CRYZ: variants seen among roughly 807,000 people sequenced by gnomAD.
CRYZ encodes crystallin zeta.
In CRYZ, 35 loss-of-function variants were observed where a neutral mutation model predicts 34.1. That is an observed-to-expected ratio of 1.03 (90% confidence interval 0.78 to 1.36). The LOEUF is 1.36. Ranked by LOEUF, CRYZ falls within the 40% of genes most tolerant of loss-of-function variation. The probability of loss-of-function intolerance (pLI) is 0.00; values close to 1 mark genes in which losing one functional copy is unlikely to be tolerated. For missense variants in CRYZ, 403 were observed against 391.8 expected (o/e 1.03, Z -0.24); for synonymous variants, 137 against 136.5 (o/e 1.00, Z -0.03).
intron 6 of CRYZ, among the ~76,000 whole-genome samples, chr1:74,709,136 G>A (rs1466313314): frequency 6.6e-6 from 1 of 152,050 alleles, no homozygotes; most frequent in Non-Finnish European, 1.5e-5. Flanking sequence ...AAGTTTTGTG[G>A]GAAAGAGGAG....
At chr1:74,729,436 G>A (rs1378390884) in intron 1 of CRYZ, among the ~76,000 whole-genome samples, 2 of 143,384 alleles carry the variant, frequency 1.4e-5, no homozygotes, top group Non-Finnish European at 3.0e-5. Flanking sequence ...GAGCCTAGGA[G>A]ATCAAGGCCA....
At chr1:74,728,850 C>T (rs565463206) in intron 1 of CRYZ, among the ~76,000 whole-genome samples, 4 of 152,188 alleles carry the variant, frequency 2.6e-5, no homozygotes, top group South Asian at 2.1e-4. Flanking sequence ...GGGTGGTCCT[C>T]GGGGAAAAAC....
chr1:74,731,875 T>C (rs780218083), intron 1 of CRYZ, among the ~76,000 whole-genome samples: 1 of 152,156 alleles, frequency 6.6e-6, no homozygotes, highest in Non-Finnish European at 1.5e-5. Flanking sequence ...CATCCAACGA[T>C]GTGTTAACAG....
intron 3 of CRYZ, among the ~76,000 whole-genome samples, chr1:74,719,841 A>T (rs1027339717): frequency 6.6e-6 from 1 of 152,100 alleles, no homozygotes; most frequent in African/African-American, 2.4e-5. Flanking sequence ...TATTAATGGG[A>T]ACCAATGGGA....
intron 4 of CRYZ, among the ~76,000 whole-genome samples, chr1:74,717,269 A>T (rs1647090528): frequency 6.6e-6 from 1 of 151,944 alleles, no homozygotes; most frequent in African/African-American, 2.4e-5. Flanking sequence ...TACTCTCCTC[A>T]AGTAACCTTC....
At position 74,723,990 on chromosome 1, in the gene CRYZ, G is replaced by A. The variant is rs553346805; in HGVS notation, c.112-720C>T. Among the ~76,000 whole-genome samples the A allele has an allele frequency of 3.9e-5, 6 of 152,118 alleles. No individual in the cohort carries two copies. In the South Asian group the frequency reaches 1.2e-3, roughly 31 times the overall value. On this transcript the variant is annotated intron_variant, in intron 2 of 8. Coordinates refer to ENST00000340866, the MANE Select transcript of CRYZ (RefSeq NM_001889.4). ...ATAAAGGAAGTGGTATTTAGTTAGG[G>A]TTTAAAAGATAAGTAGAAATTCTTT...
chr1:74,722,545 A>G (rs1647179491), intron 3 of CRYZ, among the ~76,000 whole-genome samples: 1 of 151,948 alleles, frequency 6.6e-6, no homozygotes, highest in Non-Finnish European at 1.5e-5. Context: ...TCAAGGAATT[A>G]TGAGGAAAGA....
intron 5 of CRYZ, among the ~76,000 whole-genome samples, chr1:74,712,934 C>G (rs996207962): frequency 1.3e-5 from 2 of 152,170 alleles, no homozygotes; most frequent in African/African-American, 4.8e-5. Context: ...TTTGCTAACA[C>G]TAAAATAGGG....
intron 5 of CRYZ, among the ~76,000 whole-genome samples, chr1:74,711,772 A>G (rs1184939404): frequency 6.6e-6 from 1 of 152,122 alleles, no homozygotes; most frequent in Non-Finnish European, 1.5e-5. Flanking sequence ...AAAATAAAAG[A>G]ATCACTTGTA....
At chr1:74,707,074 A>T (rs1368217289) in intron 7 of CRYZ, 29 bp downstream of exon 7, 1 of 245,374 alleles carries the variant, frequency 4.1e-6, no homozygotes, top group Non-Finnish European at 5.8e-6. Flanking sequence ...TAAAGTGGTA[A>T]AAAAAAAAAA....
intron 1 of CRYZ, among the ~76,000 whole-genome samples, chr1:74,729,001 A>G (rs1647539683): frequency 6.6e-6 from 1 of 152,198 alleles, no homozygotes; most frequent in Non-Finnish European, 1.5e-5. Context: ...CTCTACTTCC[A>G]TTCAGGTCTT....
At position 74,716,041 on chromosome 1, in the gene CRYZ, G is replaced by A. The variant is rs144773821; in HGVS notation, c.429-1411C>T. On this transcript the variant is annotated intron_variant, in intron 4 of 8. Transcript: ENST00000340866. ...TTGTTTTCAAAGACTGACCTCCGAT[G>A]AGCAAGAGTAAATTCAGCCAGCAAA... 7.5e-3 allele frequency among the ~76,000 whole-genome samples: 1,139 copies of A among 151,938 alleles called. 12 individuals carry two copies. Among genetic ancestry groups the A allele is most frequent in the African/African-American group, 0.026 (1,080 of 41,410 alleles).
Position 74,708,294 on chromosome 1 carries a change from T to G in CRYZ, c.631-1090A>C, listed in dbSNP as rs556217507. 4.6e-5 allele frequency: 7 copies of G among 151,702 alleles called. No homozygotes were observed. In the South Asian group the frequency reaches 1.0e-3, roughly 23 times the overall value. 9.4% of individuals were successfully genotyped at this position (151,702 alleles called of 1,614,324 possible). On this transcript the variant is annotated intron_variant, in intron 6 of 8. Transcript: ENST00000340866. ...ATTAAAGGATTTGGATTGTGTGGGG[T>G]TTTTTTTGTAGTTGTTTTGTTTTGT... is the stretch of plus-strand genomic sequence containing the variant.
At chr1:74,722,814 ACTTC>A (rs1305675923) in intron 3 of CRYZ, among the ~76,000 whole-genome samples, 1 of 152,124 alleles carries the variant, frequency 6.6e-6, no homozygotes, top group African/African-American at 2.4e-5. Context: ...AAATAGTCTA[ACTTC>A]CTTGTGTGTT....
chr1:74,710,295 T>C, intron 5 of CRYZ, 48 bp from the exon 6 acceptor site: 1 of 1,567,622 alleles, frequency 6.4e-7, no homozygotes, highest in Non-Finnish European at 8.7e-7. Flanking sequence ...TACACTCCTG[T>C]AAACACTTAA....
At chr1:74,719,188 A>AT in intron 4 of CRYZ, 21 bp downstream of exon 4, 1 of 1,608,348 alleles carries the variant, frequency 6.2e-7, no homozygotes, top group Non-Finnish European at 8.5e-7. Context: ...TGGCCATAAA[A>AT]TTGACAGAAT....
chr1:74,709,823 G>A (rs543083155), intron 6 of CRYZ, among the ~76,000 whole-genome samples: 1 of 152,166 alleles, frequency 6.6e-6, no homozygotes, highest in Admixed American at 6.5e-5. Context: ...TACTTAGAAT[G>A]TTATTTGCAT....
At chr1:74,723,663 G>C (rs1050745633) in intron 2 of CRYZ, among the ~76,000 whole-genome samples, 2 of 152,150 alleles carry the variant, frequency 1.3e-5, no homozygotes, top group Non-Finnish European at 2.9e-5. Flanking sequence ...AGTGACAGTA[G>C]ACACTTGCAG....
chr1:74,719,941 T>C (rs1362316910), intron 3 of CRYZ, among the ~76,000 whole-genome samples: 2 of 152,088 alleles, frequency 1.3e-5, no homozygotes, highest in African/African-American at 2.4e-5. Context: ...GCTCAGTCCA[T>C]GAAGAGCTTG....
Sources: allele counts gnomAD v4.1 joint callset (sites outside exome capture counted in the v4.1 genomes callset), GRCh38; gene constraint gnomAD v4.1.1; transcripts MANE v1.5; gene names NCBI Gene and HGNC (gene_info 2026-07-23, HGNC 2026-07-21).